The following KMT2D variants were observed in gnomAD, a reference collection of about 807,000 sequenced individuals.
The protein encoded by KMT2D is lysine methyltransferase 2D.
A neutral mutation model predicts 512.7 loss-of-function variants in KMT2D; 55 were observed. The ratio of observed to expected loss-of-function variants is 0.11; its 90% CI spans 0.09 to 0.13. The LOEUF (loss-of-function observed/expected upper bound fraction) is 0.13, where lower values mean the gene tolerates loss of function less well. Among genes scored for constraint, KMT2D ranks in the 10% least tolerant of loss-of-function variants. The pLI is 1.00. For synonymous variants in KMT2D, 2,995 were observed against 2,904.0 expected (o/e 1.03, Z -1.01); for missense variants, 6,061 against 7,127.9 (o/e 0.85, Z 5.39).
At position 49,031,448 on chromosome 12, in the gene KMT2D, A is replaced by T; in HGVS notation, c.13257T>A (p.Pro4419=). ...EASQLSIKQE[P]REEPCALGAQ... is the part of the protein sequence containing the mutation. ...CTCCCAGGGCACATGGCTCTTCCCG[A>T]GGTTCCTGCTTGATGCTGAGTTGGG... Residue 4419 remains proline, a synonymous_variant, in exon 40 of 55, where the codon CCT becomes CCA. Coordinates refer to ENST00000301067, the MANE Select transcript of KMT2D (RefSeq NM_003482.4). 6.2e-7 allele frequency: 1 copy of T among 1,613,556 alleles called. No homozygotes were observed. The highest frequency in any genetic ancestry group is 1.1e-5 in the South Asian group (1 of 91,068).
Position 49,039,547 on chromosome 12 carries a change from G to A in KMT2D, c.8117C>T (p.Thr2706Ile). The A allele has an allele frequency of 6.2e-7, 1 of 1,612,158 alleles. No homozygotes were observed. Among genetic ancestry groups the A allele is most frequent in the South Asian group, 1.1e-5 (1 of 90,968 alleles). ...CACTGCTCCTGCAGCTGCTGCAGCT[G>A]TTTCCTTCTCCTGCCGCAGGGTGTT... is the stretch of plus-strand genomic sequence containing the variant. ...QRNTLRQEKE[T>I]AAAAAGAVGP... The change falls in exon 33 of 55, where the codon ACA becomes ATA. Residue 2706 changes from threonine to isoleucine, a missense_variant. By Grantham distance (89) the Thr-to-Ile change is moderately conservative. Transcript: ENST00000301067. The surrounding 1 kb of genome is among the most constrained non-coding windows in gnomAD (Gnocchi z 5.0).
In KMT2D at chr12:49,026,904, C is replaced by G. The variant is rs754444347; in HGVS notation, c.15062G>C (p.Arg5021Pro). 6.2e-7 allele frequency: 1 copy of G among 1,614,018 alleles called. No individual in the cohort carries two copies. The highest frequency in any genetic ancestry group is 8.5e-7 in the Non-Finnish European group (1 of 1,179,910). The change falls in exon 49 of 55, where the codon CGA becomes CCA. Residue 5021 changes from arginine to proline, a missense_variant. By Grantham distance (103) the Arg-to-Pro change is moderately radical. Transcript: ENST00000301067. The surrounding 1 kb of genome is among the most constrained non-coding windows in gnomAD (Gnocchi z 9.6). ...EFMEQLGTAL[R>P]PDKVPRDMRR... ...CATGTCTCGCGGTACCTTGTCAGGT[C>G]GCAAGGCTGTGCCAAGCTGCTCCAT...
chr12:49,039,130 G>A lies in KMT2D; in HGVS notation c.8366+92C>T. ...AAGAAGAGAAAGTGATACTGGAAAA[G>A]GATTAGTGATACAGGAAAATCACAA... On this transcript the variant is annotated intron_variant, in intron 34 of 54. Coordinates refer to ENST00000301067, the MANE Select transcript of KMT2D (RefSeq NM_003482.4). This position sits in a 1 kb window ranked among gnomAD's most constrained non-coding sequence, Gnocchi z 5.0. 1 of 1,557,716 alleles carries A rather than the reference G, an allele frequency of 6.4e-7. No homozygotes were observed. The highest frequency in any genetic ancestry group is 8.8e-7 in the Non-Finnish European group (1 of 1,135,340).
At position 49,019,176 on chromosome 12, in the gene KMT2D, T is replaced by C; in HGVS notation, c.*2604A>G. 9.0e-7 allele frequency: 1 copy of C among 1,111,112 alleles called. No individual in the cohort carries two copies. Among genetic ancestry groups the C allele is most frequent in the Non-Finnish European group, 1.1e-6 (1 of 903,530 alleles). The allele number at this position is 1,111,112 out of a possible 1,614,324, so 68.8% of individuals were successfully genotyped here. On this transcript the variant is annotated 3_prime_UTR_variant, in exon 55 of 55. Coordinates refer to ENST00000301067, the MANE Select transcript of KMT2D (RefSeq NM_003482.4). ...AAAAGGGAACCATTTCATCCGTTGT[T>C]ACGAAGGACCAACCTTGCTGTACAG...
rs2137712406 is a variant in KMT2D at position 49,024,994 on chromosome 12, T to C, written c.15785-48A>G. On this transcript the variant is annotated intron_variant, in intron 49 of 54. Coordinates refer to ENST00000301067, the MANE Select transcript of KMT2D (RefSeq NM_003482.4). The surrounding 1 kb of genome is among the most constrained non-coding windows in gnomAD (Gnocchi z 4.5). Reference sequence around the variant, plus strand: ...GTCCTCAGAGGCAACTTCTGCTCACTGACCTCCAGTCCCTAACCCCAATCC... The same window carrying C: ...GTCCTCAGAGGCAACTTCTGCTCACCGACCTCCAGTCCCTAACCCCAATCC... 6.4e-7 allele frequency: 1 copy of C among 1,557,326 alleles called. No homozygotes were observed. Among genetic ancestry groups the C allele is most frequent in the South Asian group, 1.2e-5 (1 of 84,494 alleles).
intron 23 of KMT2D, 28 bp downstream of exon 23, chr12:49,043,840 C>G (rs369625814): frequency 1.5e-5 from 25 of 1,613,892 alleles, no homozygotes; most frequent in Middle Eastern, 3.3e-4. Flanking sequence ...ACAGACACCT[C>G]CCTCACTGCT....
Position 49,049,233 on chromosome 12 carries a change from G to C in KMT2D, c.3907-15C>G, listed in dbSNP as rs1275905996. 1.2e-5 allele frequency: 19 copies of C among 1,537,654 alleles called. No individual in the cohort carries two copies. In the Admixed American group the frequency reaches 3.1e-4, roughly 25 times the overall value. ...CTGCTGCGACCCTGAGTGAAAGAAG[G>C]GGACAATGACAGGAGCATGTCAAGG... On this transcript the variant is annotated splice_polypyrimidine_tract_variant and intron_variant, in intron 12 of 54. Transcript: ENST00000301067.
In KMT2D at chr12:49,039,713, T is replaced by C. The variant is rs145186737; in HGVS notation, c.8046+11A>G. The C allele has an allele frequency of 1.1e-3, 1,851 of 1,610,474 alleles. 21 individuals are homozygous for C. In the African/African-American group the frequency reaches 0.021, roughly 18 times the overall value. ...CGATATAGGGGGCTTAGCTCCAGGG[T>C]GTCAACTTACCTGCCGTTGCTTCTC... On this transcript the variant is annotated intron_variant, in intron 32 of 54. Transcript: ENST00000301067. The surrounding 1 kb of genome is among the most constrained non-coding windows in gnomAD (Gnocchi z 5.0).
chr12:49,036,556 T>G (rs1165490631), intron 35 of KMT2D, among the ~76,000 whole-genome samples: 1 of 143,928 alleles, frequency 6.9e-6, no homozygotes, highest in African/African-American at 2.6e-5. Context: ...TGAGGCGATC[T>G]CGGCTCACCA....
At position 49,042,318 on chromosome 12, in the gene KMT2D, G is replaced by T; in HGVS notation, c.5880C>A (p.Gly1960=). ...SPFLDSRERG[G]FFSPEPGEPD... ...GCTCACCGGGTTCCGGGCTAAAGAAGCCCCCGCGCTCCCTGGGGCGCAGGG... is the reference window on the plus strand; with the variant it reads ...GCTCACCGGGTTCCGGGCTAAAGAATCCCCCGCGCTCCCTGGGGCGCAGGG... The change falls in exon 29 of 55, where the codon GGC becomes GGA. Residue 1960 remains glycine (G), a synonymous_variant. Transcript: ENST00000301067. This position sits in a 1 kb window ranked among gnomAD's most constrained non-coding sequence, Gnocchi z 4.4. 1 of 1,541,052 alleles carries T rather than the reference G, an allele frequency of 6.5e-7. No individual in the cohort carries two copies.
In KMT2D at chr12:49,041,176, G is replaced by C; in HGVS notation, c.6594C>G (p.Pro2198=). Residue 2198 remains proline (P), a synonymous_variant, in exon 32 of 55, where the codon CCC becomes CCG. Coordinates refer to ENST00000301067, the MANE Select transcript of KMT2D (RefSeq NM_003482.4). This position sits in a 1 kb window ranked among gnomAD's most constrained non-coding sequence, Gnocchi z 5.4. ...CAGGGGCCCCCGTAGGACTAGGATA[G>C]GGGGGATAGGTGGGCGGTGCCGTGG... ...RFPTAPPTYP[P]YPSPTGAPAQ... 1 of 1,519,036 alleles carries C rather than the reference G, an allele frequency of 6.6e-7. No individual in the cohort carries two copies. Among genetic ancestry groups the C allele is most frequent in the Non-Finnish European group, 8.8e-7 (1 of 1,136,404 alleles). The allele number at this position is 1,519,036 out of a possible 1,614,324, so 94.1% of individuals were successfully genotyped here. A position where few individuals can be genotyped will look rare whatever the true frequency, so the allele number is the denominator to read the frequency against.
chr12:49,051,886 C>G lies in KMT2D; in HGVS notation c.1797G>C (p.Leu599=), dbSNP rs113282510. Residue 599 remains leucine, a synonymous_variant, in exon 11 of 55, where the codon CTG becomes CTC. Coordinates refer to ENST00000301067, the MANE Select transcript of KMT2D (RefSeq NM_003482.4). ...PMSPPPEASR[L]FPPFEESPLS... ...GAGGAGACTCTTCAAATGGTGGGAA[C>G]AGACGAGATGCCTCCGGTGGTGGAG... is the stretch of plus-strand genomic sequence containing the variant. 1.2e-6 allele frequency: 2 copies of G among 1,611,478 alleles called. No individual in the cohort carries two copies. Among genetic ancestry groups the G allele is most frequent in the Admixed American group, 1.7e-5 (1 of 59,842 alleles).
At position 49,043,986 on chromosome 12, in the gene KMT2D, T is replaced by C. The variant is rs1277411705; in HGVS notation, c.5201A>G (p.Asp1734Gly). ...DGQPDEVIPA[D>G]LPAEGAVEQS... Reference sequence around the variant, plus strand: ...CTCCACGGCGCCCTCTGCAGGCAGGTCAGCAGGTATCACTGTGGACAGAAC... The same window carrying C: ...CTCCACGGCGCCCTCTGCAGGCAGGCCAGCAGGTATCACTGTGGACAGAAC... Residue 1734 changes from aspartate to glycine, a missense_variant, in exon 23 of 55, where the codon GAC becomes GGC. Asp to Gly is a moderately conservative substitution (Grantham distance 94). Transcript: ENST00000301067. The C allele has an allele frequency of 1.2e-6, 2 of 1,614,036 alleles. No individual in the cohort carries two copies. Among genetic ancestry groups the C allele is most frequent in the Admixed American group, 1.7e-5 (1 of 60,030 alleles).
In KMT2D at chr12:49,019,324, A is replaced by G. The variant is rs1942186313; in HGVS notation, c.*2456T>C. On this transcript the variant is annotated 3_prime_UTR_variant, in exon 55 of 55. Transcript: ENST00000301067. ...CTGTAAAGGGGAAAACTGAAAACTGAGTATGTGCGAGTGTAAACCAACCCA... is the reference window on the plus strand; with the variant it reads ...CTGTAAAGGGGAAAACTGAAAACTGGGTATGTGCGAGTGTAAACCAACCCA... 6.3e-6 allele frequency: 1 copy of G among 159,930 alleles called. No homozygotes were observed. Among genetic ancestry groups the G allele is most frequent in the Non-Finnish European group, 1.0e-5 (1 of 98,684 alleles). The allele number at this position is 159,930 out of a possible 1,614,324, so 9.9% of individuals were successfully genotyped here. A position where few individuals can be genotyped will look rare whatever the true frequency, so the allele number is the denominator to read the frequency against.
rs769460876 is a variant in KMT2D, at chr12:49,044,899, A to G, written c.4808T>C (p.Leu1603Pro). 9 of 1,614,072 alleles carry G rather than the reference A, an allele frequency of 5.6e-6. No homozygotes were observed. In the Admixed American group the frequency reaches 1.3e-4, roughly 24 times the overall value. ...CCGCTTGTGCAGTGGTGACATGGTC[A>G]GGTTACGCAGCAAGGCCATGCCAGT... Reference protein sequence around the residue: ...TETGMALLRNLTMSPLHKRRQ... With the variant: ...TETGMALLRNPTMSPLHKRRQ... Residue 1603 changes from leucine (L) to proline (P), a missense_variant, in exon 20 of 55, where the codon CTG becomes CCG. Leu to Pro is a moderately conservative substitution (Grantham distance 98). Around this residue, in one of 16 missense-constraint regions of KMT2D, gnomAD observed 640 missense variants for 814.3 expected, o/e 0.79. Coordinates refer to ENST00000301067, the MANE Select transcript of KMT2D (RefSeq NM_003482.4). This position sits in a 1 kb window ranked among gnomAD's most constrained non-coding sequence, Gnocchi z 6.4.
At chr12:49,031,080 C>T (rs1461146840) in intron 40 of KMT2D, 47 bp from the exon 41 acceptor site, 3 of 1,612,106 alleles carry the variant, frequency 1.9e-6, no homozygotes, top group Non-Finnish European at 1.7e-6. Flanking sequence ...CTCCTCAGAG[C>T]CCTCATCTCT....
At chr12:49,045,423 C>A (rs1592144475) in intron 19 of KMT2D, among the ~76,000 whole-genome samples, 1 of 152,212 alleles carries the variant, frequency 6.6e-6, no homozygotes, top group East Asian at 1.9e-4. Context: ...GCTGGCAGAT[C>A]ACGAGGTCCG....
rs1178715516 is a variant in KMT2D, at chr12:49,042,514, GA to G, written c.5867+46del. ...GGCAAAGCATGAACTCAGATGGAGG[GA>G]AAGGACAACGAGGACTGCCCACAAA... is the stretch of plus-strand genomic sequence containing the variant. On this transcript the variant is annotated intron_variant, in intron 28 of 54. Transcript: ENST00000301067. The surrounding 1 kb of genome is among the most constrained non-coding windows in gnomAD (Gnocchi z 4.4). 3.1e-6 allele frequency: 5 copies of G among 1,590,122 alleles called. No homozygotes were observed. Among genetic ancestry groups the G allele is most frequent in the Non-Finnish European group, 4.3e-6 (5 of 1,163,524 alleles).
In KMT2D at chr12:49,033,482, T is replaced by TTGCTGCTGCTGCTGC; in HGVS notation, c.11208_11222dup (p.Gln3741_Gln3745dup). 1 of 1,611,326 alleles carries TTGCTGCTGCTGCTGC rather than the reference T, an allele frequency of 6.2e-7. No individual in the cohort carries two copies. Among genetic ancestry groups the TTGCTGCTGCTGCTGC allele is most frequent in the Non-Finnish European group, 8.5e-7 (1 of 1,178,768 alleles). On this transcript the variant is annotated inframe_insertion, in exon 40 of 55. Coordinates refer to ENST00000301067, the MANE Select transcript of KMT2D (RefSeq NM_003482.4). ...GTCCTAGAAGGTGCTGCTGCTGCTG[T>TTGCTGCTGCTGCTGC]TGCTGCTGCTGCTGCTGCTGCAGTT...
Sources: gnomAD v4.1 joint callset for allele counts (sites outside exome capture counted in the v4.1 genomes callset) on GRCh38, gnomAD v4.1.1 for gene constraint, gnomAD v4.1.1 regional missense constraint, Gnocchi (gnomAD v3.1) non-coding constraint, MANE v1.5 for transcripts, NCBI Gene and HGNC (gene_info 2026-07-23, HGNC 2026-07-21) for gene names.